The following PTPN21 variants were observed in gnomAD, a reference collection of about 807,000 sequenced individuals.
PTPN21 encodes the protein protein tyrosine phosphatase non-receptor type 21.
Under a neutral mutation model 131.8 loss-of-function variants are expected in PTPN21, and 77 were observed. The observed-to-expected ratio is 0.58, with a 90% CI of 0.49 to 0.71. PTPN21 has a LOEUF of 0.71. PTPN21 is among the 30% of genes least tolerant of loss of function. PTPN21 has a pLI of 0.00. For synonymous variants in PTPN21, 715 were observed against 621.3 expected (o/e 1.15, Z -2.24); for missense variants, 1,552 against 1,527.1 (o/e 1.02, Z -0.27).
chr14:88,543,393 A>T (rs1245434347), intron 2 of PTPN21, among the ~76,000 whole-genome samples: 1 of 152,214 alleles, frequency 6.6e-6, no homozygotes, highest in Non-Finnish European at 1.5e-5. Context: ...AGTGAAAAAG[A>T]AGAGTCTAAA....
intron 8 of PTPN21, among the ~76,000 whole-genome samples, chr14:88,500,061 T>C (rs983883261): frequency 6.6e-6 from 1 of 152,192 alleles, no homozygotes; most frequent in African/African-American, 2.4e-5. Flanking sequence ...TAAAAAATAA[T>C]TGAAATTTGC....
chr14:88,551,993 G>A (rs1177971184), intron 1 of PTPN21: 2 of 152,268 alleles, frequency 1.3e-5, no homozygotes, highest in Non-Finnish European at 2.9e-5. Context: ...CCTTCCTTCT[G>A]CGCAGAGATT....
At chr14:88,480,782 AT>A (rs1247949137) in intron 12 of PTPN21, among the ~76,000 whole-genome samples, 1 of 152,150 alleles carries the variant, frequency 6.6e-6, no homozygotes, top group Admixed American at 6.5e-5. Context: ...TTAACTGGAA[AT>A]TTTTATTGTT....
In PTPN21 at chr14:88,485,786, G is replaced by A; in HGVS notation, c.989C>T (p.Ser330Phe). The A allele has an allele frequency of 6.3e-7, 1 of 1,599,692 alleles. No individual in the cohort carries two copies. Reference protein sequence around the residue: ...PIRRRSSSRMSLPKPQPYVMP... With the variant: ...PIRRRSSSRMFLPKPQPYVMP... The stretch of plus-strand genomic sequence containing the variant: ...CATATTTTCCTTGTTTCTTACCAGA[G>A]ACATCCTTGAAGAAGACCTCCTCCT... The change falls in exon 11 of 19, where the codon TCT (serine) becomes TTT (phenylalanine). Residue 330 changes from serine to phenylalanine, a missense_variant. This residue lies in a region of PTPN21 where 1,016 missense variants were observed against 883.5 expected (regional missense o/e 1.15). Coordinates refer to ENST00000556564, the MANE Select transcript of PTPN21 (RefSeq NM_007039.4).
intron 11 of PTPN21, among the ~76,000 whole-genome samples, 197 bp downstream of exon 11, chr14:88,485,585 T>C (rs2077719716): frequency 6.6e-6 from 1 of 151,966 alleles, no homozygotes; most frequent in Admixed American, 6.6e-5. Flanking sequence ...AGACCTAATA[T>C]TCAAATATGT....
chr14:88,517,653 T>TATATATACAGGTGTATATATAC (rs1555388047), intron 2 of PTPN21, among the ~76,000 whole-genome samples: 10 of 4,520 alleles, frequency 2.2e-3, no homozygotes, highest in Middle Eastern at 0.12. Flanking sequence ...CATATATATG[T>TATATATACAGGTGTATATATAC]ATATATACAC....
At chr14:88,472,587 A>C in intron 14 of PTPN21, 122 bp from the exon 15 acceptor site, 1 of 683,250 alleles carries the variant, frequency 1.5e-6, no homozygotes, top group South Asian at 2.0e-5. Flanking sequence ...TGAAAATTCT[A>C]GGTTGGGCAC....
intron 6 of PTPN21, chr14:88,503,883 C>CAGA (rs1566829831): frequency 6.6e-6 from 1 of 152,356 alleles, no homozygotes; most frequent in Non-Finnish European, 1.5e-5. Context: ...ACAGGCAACA[C>CAGA]AGAGATTCAT....
intron 2 of PTPN21, among the ~76,000 whole-genome samples, chr14:88,544,949 T>A (rs1392685587): frequency 6.6e-6 from 1 of 152,084 alleles, no homozygotes; most frequent in Non-Finnish European, 1.5e-5. Flanking sequence ...TGTCTCAGCC[T>A]CCCAAGTAGT....
intron 10 of PTPN21, among the ~76,000 whole-genome samples, chr14:88,486,260 G>T (rs2077730734): frequency 6.6e-6 from 1 of 152,160 alleles, no homozygotes; most frequent in East Asian, 1.9e-4. Flanking sequence ...GGAGCCCTGG[G>T]TCCCTCCACT....
intron 2 of PTPN21, among the ~76,000 whole-genome samples, chr14:88,518,414 ATTTTTTTTTTTTTTTTTT>A (rs869305749): frequency 8.3e-4 from 9 of 10,784 alleles, no homozygotes; most frequent in African/African-American, 2.2e-3. Context: ...ATATATATAT[ATTTTTTTTTTTTTTTTTT>A]TTTTTTTTTT....
In PTPN21 at chr14:88,469,327, A is replaced by G. The variant is rs1264733480; in HGVS notation, c.3235+172T>C. On this transcript the variant is annotated intron_variant, in intron 17 of 18. Coordinates refer to ENST00000556564, the MANE Select transcript of PTPN21 (RefSeq NM_007039.4). The surrounding 1 kb of genome is among the most constrained non-coding windows in gnomAD (Gnocchi z 4.3). ...GTGGCATTCTACTCACTACCAAATC[A>G]TAATTTATAAACCTCGTTAACCCTC... Among the ~76,000 whole-genome samples, 1 of 152,172 alleles carries G rather than the reference A, an allele frequency of 6.6e-6. No homozygotes were observed. The highest frequency in any genetic ancestry group is 2.4e-5 in the African/African-American group (1 of 41,434).
intron 2 of PTPN21, among the ~76,000 whole-genome samples, chr14:88,521,658 G>T (rs8008162): frequency 0.54 from 80,261 of 149,792 alleles, 24,022 homozygotes; most frequent in Middle Eastern, 0.7. Context: ...TGATCTGCCC[G>T]CCTCGGCCTC....
Position 88,500,849 on chromosome 14 carries a change from G to C in PTPN21, c.698C>G (p.Ser233Cys), listed in dbSNP as rs759296831. ...PAKDSQGSDISIGACLEGIFV... is the reference protein window; with the variant it reads ...PAKDSQGSDICIGACLEGIFV... ...GATACCTTCAAGACACGCTCCAATG[G>C]ATATGTCACTTCCTTGGCTATCCTA... Residue 233 changes from serine to cysteine, a missense_variant, in exon 8 of 19, where the codon TCC (serine) becomes TGC (cysteine). Physicochemically the swap from Ser to Cys is moderately radical, Grantham distance 112. This residue lies in a region of PTPN21 where 1,016 missense variants were observed against 883.5 expected (regional missense o/e 1.15). Transcript: ENST00000556564. 1 of 1,613,114 alleles carries C rather than the reference G, an allele frequency of 6.2e-7. No homozygotes were observed. Among genetic ancestry groups the C allele is most frequent in the South Asian group, 1.1e-5 (1 of 91,032 alleles).
chr14:88,505,939 A>T (rs2078080955), intron 4 of PTPN21, among the ~76,000 whole-genome samples: 2 of 152,208 alleles, frequency 1.3e-5, no homozygotes, highest in South Asian at 4.1e-4. Context: ...AAAATGATAC[A>T]TGTCTCCATG....
intron 2 of PTPN21, among the ~76,000 whole-genome samples, chr14:88,527,438 G>A (rs891252672): frequency 1.3e-5 from 2 of 152,028 alleles, no homozygotes; most frequent in African/African-American, 4.8e-5. Flanking sequence ...ACGTTTCTGG[G>A]CCATTTGTAT....
Position 88,467,982 on chromosome 14 carries a change from T to C in PTPN21, c.*155A>G. ...CCTCTTCAGCCTGTGCTTCGCACGTTTCCTTCAGCGTGCCGCCATTCAGAC... is the reference window on the plus strand; with the variant it reads ...CCTCTTCAGCCTGTGCTTCGCACGTCTCCTTCAGCGTGCCGCCATTCAGAC... On this transcript the variant is annotated 3_prime_UTR_variant, in exon 19 of 19. Transcript: ENST00000556564. 1.0e-6 allele frequency: 1 copy of C among 978,796 alleles called. No homozygotes were observed. The highest frequency in any genetic ancestry group is 1.6e-6 in the Non-Finnish European group (1 of 635,332). 60.6% of individuals were successfully genotyped at this position (978,796 alleles called of 1,614,324 possible). A position where few individuals can be genotyped will look rare whatever the true frequency, so the allele number is the denominator to read the frequency against.
intron 10 of PTPN21, among the ~76,000 whole-genome samples, chr14:88,490,157 C>T (rs954677189): frequency 1.6e-4 from 24 of 151,986 alleles, no homozygotes; most frequent in African/African-American, 5.3e-4. Context: ...TATAGGCGCC[C>T]GCCACCACGC....
At chr14:88,499,880 A>T (rs2077983163) in intron 8 of PTPN21, among the ~76,000 whole-genome samples, 2 of 152,226 alleles carry the variant, frequency 1.3e-5, no homozygotes, top group African/African-American at 4.8e-5. Context: ...TTTAAGATAC[A>T]AATTAGAACA....
Sources: gnomAD v4.1 joint callset for allele counts (sites outside exome capture counted in the v4.1 genomes callset) on GRCh38, gnomAD v4.1.1 for gene constraint, gnomAD v4.1.1 regional missense constraint, Gnocchi (gnomAD v3.1) non-coding constraint, MANE v1.5 for transcripts, NCBI Gene and HGNC (gene_info 2026-07-23, HGNC 2026-07-21) for gene names.